SLC36A1: variants seen among roughly 807,000 people sequenced by gnomAD.
SLC36A1 encodes solute carrier family 36 member 1.
SLC36A1 carries 30 observed loss-of-function variants against 47.5 expected under a neutral mutation model. The observed-to-expected ratio is 0.63, with a 90% CI of 0.47 to 0.86. SLC36A1 has a LOEUF of 0.86. Ranked by LOEUF, SLC36A1 falls within the 40% of genes least tolerant of loss-of-function variation. SLC36A1 has a pLI of 0.00. For missense variants in SLC36A1, 517 were observed against 606.0 expected, an observed-to-expected ratio of 0.85 and a Z score of 1.54; for synonymous variants, 255 against 249.7, an observed-to-expected ratio of 1.02 and a Z score of -0.20.
the SLC36A1 span, among the ~76,000 whole-genome samples, chr5:151,353,835 T>C: frequency 5.9e-5 from 9 of 152,254 alleles, no homozygotes; most frequent in African/African-American, 1.9e-4. Flanking sequence ...TTACAGATTG[T>C]CTTCTTTCAC....
chr5:151,438,136 G>A (rs999100417), intron 1 of SLC36A1, among the ~76,000 whole-genome samples: 1 of 152,084 alleles, frequency 6.6e-6, no homozygotes, highest in South Asian at 2.1e-4. Flanking sequence ...AAGTTCCCGA[G>A]ATTAATTAAC....
chr5:151,345,751 A>G, the SLC36A1 span, among the ~76,000 whole-genome samples: 1 of 152,228 alleles, frequency 6.6e-6, no homozygotes, highest in African/African-American at 2.4e-5. Flanking sequence ...ACCAACTTGA[A>G]AACATAGTGC....
the SLC36A1 span, among the ~76,000 whole-genome samples, chr5:151,427,707 A>G: frequency 1.4e-4 from 21 of 152,108 alleles, no homozygotes; most frequent in Admixed American, 1.3e-4. Context: ...AGACAGTGCC[A>G]TGCGTTCCAG....
the SLC36A1 span, among the ~76,000 whole-genome samples, chr5:151,354,383 A>G: frequency 4.6e-5 from 7 of 152,342 alleles, no homozygotes; most frequent in Admixed American, 2.0e-4. Flanking sequence ...TTTTTAATTC[A>G]TTTGGATAAA....
chr5:151,353,604 T>C, the SLC36A1 span, among the ~76,000 whole-genome samples: 5 of 152,156 alleles, frequency 3.3e-5, no homozygotes, highest in Admixed American at 6.5e-5. Flanking sequence ...GGGTTCATTC[T>C]TGGTGGGGTG....
the SLC36A1 span, among the ~76,000 whole-genome samples, chr5:151,385,009 A>AGT: frequency 0.024 from 3,100 of 128,488 alleles, 48 homozygotes; most frequent in Admixed American, 0.03. Context: ...AGAGAGAGAG[A>AGT]GTGTGTGTGT....
At position 151,467,204 on chromosome 5, in the gene SLC36A1, T is replaced by A. The variant is rs1756534127; in HGVS notation, c.425T>A (p.Val142Asp). ...LRNHAHWGRR[V>D]VDFFLIVTQL... ...CCTTCCTTCCCCACCTCCAGACGTG[T>A]TGTGGACTTCTTCCTGATTGTCACC... Residue 142 changes from valine (V) to aspartate (D), a missense_variant, in exon 6 of 11, where the codon GTT (valine) becomes GAT (aspartate). Val to Asp is a radical substitution (Grantham distance 152). Transcript: ENST00000243389. 1 of 1,609,190 alleles carries A rather than the reference T, an allele frequency of 6.2e-7. No homozygotes were observed. Among genetic ancestry groups the A allele is most frequent in the Non-Finnish European group, 8.5e-7 (1 of 1,177,462 alleles).
the SLC36A1 span, among the ~76,000 whole-genome samples, chr5:151,408,477 G>T: frequency 1.7e-4 from 26 of 152,172 alleles, no homozygotes; most frequent in Admixed American, 5.2e-4. Context: ...GTGAACCACC[G>T]TGCCTGGCCA....
the SLC36A1 span, among the ~76,000 whole-genome samples, chr5:151,548,454 T>A: frequency 6.6e-6 from 1 of 152,182 alleles, no homozygotes; most frequent in African/African-American, 2.4e-5. Context: ...GGCATTTGTA[T>A]AATATTTCAA....
At chr5:151,411,864 T>G in the SLC36A1 span, among the ~76,000 whole-genome samples, 1 of 144,680 alleles carries the variant, frequency 6.9e-6, no homozygotes, top group Non-Finnish European at 1.5e-5. Flanking sequence ...AAAAATCTGA[T>G]GATCTGGGCA....
intron 10 of SLC36A1, among the ~76,000 whole-genome samples, chr5:151,483,803 T>C (rs1295425270): frequency 6.6e-6 from 1 of 152,158 alleles, no homozygotes; most frequent in Non-Finnish European, 1.5e-5. Context: ...CACTTTGTGT[T>C]AGTGGGAGGC....
At chr5:151,554,587 A>C in the SLC36A1 span, 1 of 1,614,168 alleles carries the variant, frequency 6.2e-7, no homozygotes, top group Non-Finnish European at 8.5e-7. Flanking sequence ...GGGAGAATAT[A>C]GGTGGATTGT....
chr5:151,541,348 C>T, the SLC36A1 span, among the ~76,000 whole-genome samples: 1 of 152,216 alleles, frequency 6.6e-6, no homozygotes, highest in African/African-American at 2.4e-5. Flanking sequence ...AACATGTTGA[C>T]ATTTATTACT....
At chr5:151,460,759 T>C (rs536653767) in intron 2 of SLC36A1, among the ~76,000 whole-genome samples, 6 of 151,242 alleles carry the variant, frequency 4.0e-5, no homozygotes, top group Non-Finnish European at 8.8e-5. Flanking sequence ...TATTTTAATA[T>C]GTCGGAAGTG....
chr5:151,395,480 C>T, the SLC36A1 span, among the ~76,000 whole-genome samples: 430 of 152,308 alleles, frequency 2.8e-3, 3 homozygotes, highest in African/African-American at 0.01. Context: ...GCAGAAATAA[C>T]CTGTCTTCTG....
the SLC36A1 span, among the ~76,000 whole-genome samples, chr5:151,421,868 G>A: frequency 6.6e-6 from 1 of 152,168 alleles, no homozygotes; most frequent in Non-Finnish European, 1.5e-5. Context: ...GGGATTACAG[G>A]TGTGAGCCAC....
At chr5:151,521,249 C>T in the SLC36A1 span, 260 of 1,568,862 alleles carry the variant, frequency 1.7e-4, no homozygotes, top group African/African-American at 2.6e-3. Context: ...CAGTGCTGCT[C>T]GTCCCTAGGG....
the SLC36A1 span, among the ~76,000 whole-genome samples, chr5:151,498,245 A>AG: frequency 6.6e-6 from 1 of 152,014 alleles, no homozygotes; most frequent in African/African-American, 2.4e-5. Context: ...GCGCACGGCC[A>AG]GGGGGGTGGG....
the SLC36A1 span, chr5:151,521,719 T>A: frequency 5.0e-6 from 8 of 1,613,852 alleles, no homozygotes; most frequent in African/African-American, 1.3e-5. Flanking sequence ...CTGCAGAGCC[T>A]CCTGCCCCAC....
Sources: allele counts gnomAD v4.1 joint callset (sites outside exome capture counted in the v4.1 genomes callset), GRCh38; gene constraint gnomAD v4.1.1; transcripts MANE v1.5; gene names NCBI Gene and HGNC (gene_info 2026-07-23, HGNC 2026-07-21).